Variants in DNAH11 observed in about 807,000 individuals in gnomAD.
The protein encoded by DNAH11 is dynein axonemal heavy chain 11.
In DNAH11, 442 loss-of-function variants were observed where a neutral mutation model predicts 526.0. The ratio of observed to expected loss-of-function variants is 0.84; its 90% CI spans 0.78 to 0.91. The LOEUF (loss-of-function observed/expected upper bound fraction) is 0.91. Among genes scored for constraint, DNAH11 ranks in the 40% least tolerant of loss-of-function variants. DNAH11 has a pLI of 0.00. For missense variants in DNAH11, 6,989 were observed against 5,448.7 expected, an observed-to-expected ratio of 1.28 and a Z score of -8.90; for synonymous variants, 2,461 against 1,935.9, an observed-to-expected ratio of 1.27 and a Z score of -7.12.
At chr7:21,670,199 A>G (rs73061716) in intron 30 of DNAH11, among the ~76,000 whole-genome samples, 12,731 of 151,980 alleles carry the variant, frequency 0.084, 617 homozygotes, top group South Asian at 0.13. Flanking sequence ...GTTTTCTCTA[A>G]TTTCTCTCAG....
intron 36 of DNAH11, among the ~76,000 whole-genome samples, chr7:21,701,306 T>C (rs1784047768): frequency 1.4e-5 from 2 of 147,802 alleles, no homozygotes; most frequent in South Asian, 4.3e-4. Context: ...TTTTTTTTTT[T>C]TGAGACAGTG....
intron 76 of DNAH11, among the ~76,000 whole-genome samples, chr7:21,886,662 G>GCTCCCGCAGACAGTCC (rs60857357): frequency 0.86 from 129,130 of 149,904 alleles, 57,280 homozygotes; most frequent in Non-Finnish European, 0.99. Flanking sequence ...CCCGCGAGGA[G>GCTCCCGCAGACAGTCC]CTCCCCTAGC....
At chr7:21,570,453 G>A (rs1178307554) in intron 7 of DNAH11, 154 bp downstream of exon 7, 2 of 563,418 alleles carry the variant, frequency 3.5e-6, no homozygotes, top group African/African-American at 3.8e-5. Context: ...CCAATGCTAT[G>A]ATGATACAAG....
rs574027212 is a variant in DNAH11, at chr7:21,739,217, A to C, written c.7811+351A>C. The stretch of plus-strand genomic sequence containing the variant: ...TTTGGCAGGGTGTAAATGTTTGGGC[A>C]CTGTAGTCTGCAATCCCTGACAATT... On this transcript the variant is annotated intron_variant, in intron 47 of 81. Transcript: ENST00000409508. Among the ~76,000 whole-genome samples the C allele has an allele frequency of 8.5e-5, 13 of 152,318 alleles. No homozygotes were observed. The South Asian group carries it at 2.7e-3, about 32-fold the overall frequency.
chr7:21,614,876 C>T (rs1019319378), intron 20 of DNAH11, among the ~76,000 whole-genome samples: 1 of 152,110 alleles, frequency 6.6e-6, no homozygotes. Flanking sequence ...TTTGCTAATA[C>T]GTGTATAGGG....
intron 2 of DNAH11, among the ~76,000 whole-genome samples, chr7:21,556,920 G>A (rs1302030820): frequency 1.3e-5 from 2 of 152,044 alleles, no homozygotes; most frequent in African/African-American, 4.8e-5. Flanking sequence ...AACTAGCTGG[G>A]CATGGTGGCA....
chr7:21,834,625 G>T (rs1781921799), intron 65 of DNAH11, among the ~76,000 whole-genome samples: 1 of 152,120 alleles, frequency 6.6e-6, no homozygotes, highest in Non-Finnish European at 1.5e-5. Context: ...TTGAGGACAG[G>T]AGTTTGAGAT....
intron 59 of DNAH11, among the ~76,000 whole-genome samples, 196 bp from the exon 60 acceptor site, chr7:21,787,205 G>A (rs986084935): frequency 6.6e-6 from 1 of 152,210 alleles, no homozygotes; most frequent in Non-Finnish European, 1.5e-5. Flanking sequence ...CCCTGGGATA[G>A]AAGAGGTTTT....
intron 57 of DNAH11, 67 bp from the exon 58 acceptor site, chr7:21,784,360 C>A: frequency 8.2e-7 from 1 of 1,218,494 alleles, no homozygotes; most frequent in Non-Finnish European, 1.2e-6. Context: ...AGTCAACCTC[C>A]ATTTTTCTTT....
At chr7:21,765,175 A>G (rs1457555624) in intron 54 of DNAH11, among the ~76,000 whole-genome samples, 7 of 152,066 alleles carry the variant, frequency 4.6e-5, no homozygotes, top group Admixed American at 1.3e-4. Flanking sequence ...ATAACCAAAA[A>G]TGTTTAAGCA....
intron 68 of DNAH11, among the ~76,000 whole-genome samples, chr7:21,857,518 A>G (rs1056919699): frequency 1.4e-4 from 19 of 133,942 alleles, no homozygotes; most frequent in African/African-American, 4.4e-4. Context: ...TAAAATAGCT[A>G]AACAATTTTG....
In DNAH11 at chr7:21,880,775, G is replaced by T. The variant is rs1258273877; in HGVS notation, c.12269G>T (p.Cys4090Phe). The change falls in exon 75 of 82, where the codon TGT becomes TTT. Residue 4090 changes from cysteine to phenylalanine, a missense_variant. Transcript: ENST00000409508. ...ILFSLCYFHA[C>F]VAGRLRFGPQ... is the part of the protein sequence containing the mutation. ...TTTTCTCTCTGCTACTTCCACGCCT[G>T]TGTTGCTGGGAGACTGAGGTTTGGC... 1.9e-6 allele frequency: 3 copies of T among 1,614,024 alleles called. No homozygotes were observed. The highest frequency in any genetic ancestry group is 2.5e-6 in the Non-Finnish European group (3 of 1,179,902).
At chr7:21,627,105 T>C (rs1786376633) in intron 25 of DNAH11, among the ~76,000 whole-genome samples, 1 of 152,136 alleles carries the variant, frequency 6.6e-6, no homozygotes, top group East Asian at 1.9e-4. Flanking sequence ...TAAAATCAGA[T>C]TGGGGTTTTG....
At chr7:21,810,712 A>G (rs992944474) in intron 63 of DNAH11, among the ~76,000 whole-genome samples, 3 of 152,160 alleles carry the variant, frequency 2.0e-5, no homozygotes, top group African/African-American at 7.2e-5. Flanking sequence ...AAGAGAGGAA[A>G]GAGAATGCCA....
In DNAH11 at chr7:21,773,894, A is replaced by G. The variant is rs1787546715; in HGVS notation, c.9231A>G (p.Gln3077=). The G allele has an allele frequency of 1.9e-6, 3 of 1,604,848 alleles. No homozygotes were observed. The highest frequency in any genetic ancestry group is 1.7e-5 in the Admixed American group (1 of 58,598). The change falls in exon 56 of 82, where the codon CAA becomes CAG. Residue 3077 remains glutamine (Q), a synonymous_variant. Coordinates refer to ENST00000409508, the MANE Select transcript of DNAH11 (RefSeq NM_001277115.2). ...NYTTPKSFLE[Q]ISLFKNLLKK... ...CCACCCCAAAGAGTTTTCTAGAACA[A>G]ATATCACTGTTTAAGAACCTGTTGA...
intron 9 of DNAH11, among the ~76,000 whole-genome samples, chr7:21,585,543 A>G (rs1784453943): frequency 6.6e-6 from 1 of 152,256 alleles, no homozygotes; most frequent in Non-Finnish European, 1.5e-5. Flanking sequence ...ATATAAAAGT[A>G]TAGTACTTTA....
chr7:21,610,932 T>G (rs940516070), intron 20 of DNAH11, among the ~76,000 whole-genome samples: 1 of 152,200 alleles, frequency 6.6e-6, no homozygotes, highest in African/African-American at 2.4e-5. Flanking sequence ...CAGAATATAG[T>G]CTGCAAGATA....
intron 65 of DNAH11, among the ~76,000 whole-genome samples, chr7:21,826,757 A>G (rs919065409): frequency 6.6e-6 from 1 of 152,228 alleles, no homozygotes; most frequent in African/African-American, 2.4e-5. Context: ...TGTCTTTATC[A>G]TGTCCTCAAA....
At chr7:21,639,298 A>C (rs1318744517) in intron 28 of DNAH11, among the ~76,000 whole-genome samples, 1 of 152,230 alleles carries the variant, frequency 6.6e-6, no homozygotes, top group East Asian at 1.9e-4. Context: ...TGTAAGGCTT[A>C]CAGTGCTGAA....
Sources: gnomAD v4.1 joint callset for allele counts (sites outside exome capture counted in the v4.1 genomes callset) on GRCh38, gnomAD v4.1.1 for gene constraint, MANE v1.5 for transcripts, NCBI Gene and HGNC (gene_info 2026-07-23, HGNC 2026-07-21) for gene names.